The following RPS6KC1 variants were observed in gnomAD, a reference collection of about 807,000 sequenced individuals.
The protein encoded by RPS6KC1 is inactive ribosomal protein S6 kinase delta-1.
A neutral mutation model predicts 103.8 loss-of-function variants in RPS6KC1; 54 were observed. That is an observed-to-expected ratio of 0.52 (90% CI 0.42 to 0.65). RPS6KC1 has a LOEUF of 0.65. Ranked by LOEUF, RPS6KC1 falls within the 30% of genes least tolerant of loss-of-function variation. RPS6KC1 has a pLI of 0.00. For missense variants in RPS6KC1, 1,151 were observed against 1,253.8 expected (o/e 0.92, Z 1.24); for synonymous variants, 439 against 438.7 (o/e 1.00, Z -0.01).
At chr1:213,148,690 T>G (rs185982503) in intron 6 of RPS6KC1, among the ~76,000 whole-genome samples, 130 of 152,300 alleles carry the variant, frequency 8.5e-4, no homozygotes, top group Admixed American at 2.3e-3. Context: ...AATACTGGCC[T>G]CATAGAACGA....
At chr1:213,618,323 C>A in the RPS6KC1 span, among the ~76,000 whole-genome samples, 1 of 152,168 alleles carries the variant, frequency 6.6e-6, no homozygotes, top group East Asian at 1.9e-4. Context: ...AATGAGATCA[C>A]GTGCATAAAA....
chr1:213,287,318 C>T, the RPS6KC1 span, among the ~76,000 whole-genome samples: 2 of 151,602 alleles, frequency 1.3e-5, no homozygotes. Context: ...TGCTGGCTAT[C>T]GTGTCCATTT....
rs1363595302 is a variant in RPS6KC1, at chr1:213,260,960, T to C, written c.2912-598T>C. Among the ~76,000 whole-genome samples, 4 of 152,190 alleles carry C rather than the reference T, an allele frequency of 2.6e-5. No homozygotes were observed. In the South Asian group the frequency reaches 6.2e-4, roughly 24 times the overall value. On this transcript the variant is annotated intron_variant, in intron 12 of 14. Coordinates refer to ENST00000366960, the MANE Select transcript of RPS6KC1 (RefSeq NM_012424.6). The stretch of plus-strand genomic sequence containing the variant: ...TTCAGCCGTGGCTTAAAACAATATA[T>C]CTATCTGTACTTTAGCAAAATGGGT...
the RPS6KC1 span, among the ~76,000 whole-genome samples, chr1:213,301,220 A>G: frequency 4.1e-3 from 624 of 152,188 alleles, 6 homozygotes; most frequent in African/African-American, 0.015. Flanking sequence ...TTATTATTTT[A>G]GTAGGGTTCT....
chr1:213,167,671 A>T (rs1326256667), intron 6 of RPS6KC1, among the ~76,000 whole-genome samples, 187 bp from the exon 7 acceptor site: 1 of 152,194 alleles, frequency 6.6e-6, no homozygotes, highest in Non-Finnish European at 1.5e-5. Flanking sequence ...ATTTGGATAA[A>T]TGAAATCAAT....
chr1:213,071,418 T>C lies in RPS6KC1; in HGVS notation c.141+377T>C, dbSNP rs570913722. Among the ~76,000 whole-genome samples the C allele has an allele frequency of 2.6e-5, 4 of 152,304 alleles. No individual in the cohort carries two copies. In the South Asian group the frequency reaches 8.3e-4, roughly 32 times the overall value. On this transcript the variant is annotated intron_variant, in intron 2 of 14. Transcript: ENST00000366960. Reference sequence around the variant, plus strand: ...TGCTGGGATTACAGACGTGAGCCACTGTGCCTGGCCTGTACATCAGTCTTT... The same window carrying C: ...TGCTGGGATTACAGACGTGAGCCACCGTGCCTGGCCTGTACATCAGTCTTT...
the RPS6KC1 span, among the ~76,000 whole-genome samples, chr1:213,462,868 T>C: frequency 7.9e-5 from 12 of 152,308 alleles, no homozygotes; most frequent in Middle Eastern, 3.4e-3. Flanking sequence ...ACCTGCACGT[T>C]TGGCACATAT....
At chr1:213,848,097 C>A in the RPS6KC1 span, among the ~76,000 whole-genome samples, 1 of 151,964 alleles carries the variant, frequency 6.6e-6, no homozygotes, top group Non-Finnish European at 1.5e-5. Flanking sequence ...ATTGGGTAGA[C>A]CTCATTAAGG....
At chr1:213,554,496 C>A in the RPS6KC1 span, among the ~76,000 whole-genome samples, 1 of 152,138 alleles carries the variant, frequency 6.6e-6, no homozygotes, top group Admixed American at 6.6e-5. Flanking sequence ...ATTGCACTGG[C>A]TATTTGGGCA....
the RPS6KC1 span, among the ~76,000 whole-genome samples, chr1:213,622,778 C>A: frequency 6.6e-6 from 1 of 152,136 alleles, no homozygotes; most frequent in Non-Finnish European, 1.5e-5. Flanking sequence ...TTCTCTTGAA[C>A]CTGCTGTGGC....
chr1:213,157,536 T>C (rs1290704280), intron 6 of RPS6KC1, among the ~76,000 whole-genome samples: 1 of 152,198 alleles, frequency 6.6e-6, no homozygotes. Flanking sequence ...TTAATTGTTA[T>C]GGTTGGTGAA....
intron 8 of RPS6KC1, among the ~76,000 whole-genome samples, chr1:213,191,528 A>G (rs368768464): frequency 2.0e-5 from 3 of 152,224 alleles, no homozygotes; most frequent in South Asian, 4.1e-4. Flanking sequence ...CAGTTGTAAT[A>G]GTTTTTTAGG....
chr1:213,653,603 T>A, the RPS6KC1 span, among the ~76,000 whole-genome samples: 1,133 of 152,356 alleles, frequency 7.4e-3, 8 homozygotes, highest in Non-Finnish European at 0.011. Context: ...AACCTATCAT[T>A]TGTAATTTAT....
chr1:213,453,545 A>G, the RPS6KC1 span, among the ~76,000 whole-genome samples: 3 of 152,148 alleles, frequency 2.0e-5, no homozygotes, highest in East Asian at 5.8e-4. Context: ...ACCTTCTGCT[A>G]AGGGCCAGGA....
chr1:213,677,217 T>C, the RPS6KC1 span, among the ~76,000 whole-genome samples: 1 of 152,228 alleles, frequency 6.6e-6, no homozygotes, highest in Admixed American at 6.5e-5. Context: ...ACAAGGTCTC[T>C]TGTTATTCCC....
the RPS6KC1 span, among the ~76,000 whole-genome samples, chr1:213,803,585 G>C: frequency 1.3e-5 from 2 of 152,102 alleles, no homozygotes; most frequent in South Asian, 4.1e-4. Context: ...ATCTAAGAGG[G>C]AGCTTCTGCG....
chr1:213,359,342 GTTTAAAGTCTGTTTTA>G, the RPS6KC1 span, among the ~76,000 whole-genome samples: 1 of 152,060 alleles, frequency 6.6e-6, no homozygotes, highest in East Asian at 1.9e-4. Flanking sequence ...ATCTTTGTTG[GTTTAAAGTCTGTTTTA>G]TCAGAGACTA....
intron 4 of RPS6KC1, among the ~76,000 whole-genome samples, chr1:213,111,280 C>T (rs2083007795): frequency 6.6e-6 from 1 of 152,106 alleles, no homozygotes; most frequent in Non-Finnish European, 1.5e-5. Context: ...AGAAGTCCTT[C>T]CCTGCTAGAC....
At chr1:213,228,287 T>TG (rs1321110755) in intron 8 of RPS6KC1, among the ~76,000 whole-genome samples, 2 of 152,188 alleles carry the variant, frequency 1.3e-5, no homozygotes, top group Admixed American at 1.3e-4. Flanking sequence ...TAGCTGTACT[T>TG]TTATAAGATT....
Sources: gnomAD v4.1 joint callset for allele counts (sites outside exome capture counted in the v4.1 genomes callset) on GRCh38, gnomAD v4.1.1 for gene constraint, MANE v1.5 for transcripts, NCBI Gene and HGNC (gene_info 2026-07-23, HGNC 2026-07-21) for gene names.